PCDHA6: variants seen among roughly 807,000 people sequenced by gnomAD.
The protein encoded by PCDHA6 is protocadherin alpha 6.
PCDHA6 carries 55 observed loss-of-function variants against 60.3 expected under a neutral mutation model. The ratio of observed to expected loss-of-function variants is 0.91; its 90% CI spans 0.73 to 1.14. The LOEUF is 1.14. Among genes scored for constraint, PCDHA6 ranks in the 50% most tolerant of loss-of-function variants. The pLI is 0.00. For missense variants in PCDHA6, 1,327 were observed against 1,256.5 expected, an observed-to-expected ratio of 1.06 and a Z score of -0.85; for synonymous variants, 652 against 557.9, an observed-to-expected ratio of 1.17 and a Z score of -2.38.
At chr5:140,918,639 TGA>T (rs1554198713) in intron 1 of PCDHA6, among the ~76,000 whole-genome samples, 1 of 152,224 alleles carries the variant, frequency 6.6e-6, no homozygotes, top group East Asian at 1.9e-4. Context: ...ATTCATAAAT[TGA>T]AACCTAATTC....
intron 1 of PCDHA6, chr5:140,842,643 T>C (rs1391862843): frequency 6.3e-7 from 1 of 1,595,190 alleles, no homozygotes; most frequent in Non-Finnish European, 8.6e-7. Flanking sequence ...ACCGCCAGCT[T>C]GTCTGTGGAG....
chr5:140,865,725 A>G (rs1326307411), intron 1 of PCDHA6: 1 of 152,210 alleles, frequency 6.6e-6, no homozygotes, highest in Non-Finnish European at 1.5e-5. Context: ...AGAAGCTGAG[A>G]TGTGTATCTA....
chr5:141,004,750 C>T (rs1205050665), intron 3 of PCDHA6, among the ~76,000 whole-genome samples: 1 of 152,112 alleles, frequency 6.6e-6, no homozygotes, highest in Non-Finnish European at 1.5e-5. Flanking sequence ...GTCTCAGTCT[C>T]TTAGAGACAG....
intron 1 of PCDHA6, chr5:140,877,253 T>G (rs2056969600): frequency 1.2e-6 from 2 of 1,613,576 alleles, no homozygotes; most frequent in Non-Finnish European, 8.5e-7. Context: ...GTGGCGAAAG[T>G]GCGCGCGGTG....
chr5:140,900,063 G>A (rs1554188862), intron 1 of PCDHA6, among the ~76,000 whole-genome samples: 3 of 152,122 alleles, frequency 2.0e-5, no homozygotes, highest in African/African-American at 7.2e-5. Context: ...TTTAACCTCA[G>A]CCTCCAAAAG....
At chr5:140,980,584 C>T (rs1447001293) in intron 2 of PCDHA6, among the ~76,000 whole-genome samples, 3 of 151,934 alleles carry the variant, frequency 2.0e-5, no homozygotes, top group Non-Finnish European at 4.4e-5. Context: ...GAGCCAAGAT[C>T]GAGCCACTGC....
At chr5:140,869,145 A>G (rs1013407350) in intron 1 of PCDHA6, 58 of 1,613,508 alleles carry the variant, frequency 3.6e-5, no homozygotes, top group Non-Finnish European at 4.7e-5. Context: ...CCCCACGACT[A>G]CAGCTCTGGC....
At chr5:140,966,730 C>T in intron 1 of PCDHA6, 1 of 1,405,456 alleles carries the variant, frequency 7.1e-7, no homozygotes, top group Non-Finnish European at 9.2e-7. Context: ...CTGCCGCCTC[C>T]GGCCCTGCCC....
At chr5:140,959,883 C>T (rs535578218) in intron 1 of PCDHA6, among the ~76,000 whole-genome samples, 4 of 152,222 alleles carry the variant, frequency 2.6e-5, no homozygotes, top group South Asian at 2.1e-4. Flanking sequence ...AAGGAATACA[C>T]GAGTGGGATT....
chr5:140,918,051 A>G (rs782531005), intron 1 of PCDHA6, among the ~76,000 whole-genome samples: 2 of 151,984 alleles, frequency 1.3e-5, no homozygotes, highest in Non-Finnish European at 1.5e-5. Flanking sequence ...CATTTGTTTT[A>G]TCATCTCTGA....
At chr5:140,990,708 T>G (rs1201090744) in intron 3 of PCDHA6, among the ~76,000 whole-genome samples, 3 of 152,190 alleles carry the variant, frequency 2.0e-5, no homozygotes, top group African/African-American at 7.2e-5. Context: ...TTTATGGGGA[T>G]AAGAGCATCA....
At chr5:140,913,657 G>A (rs1554196018) in intron 1 of PCDHA6, among the ~76,000 whole-genome samples, 1 of 152,170 alleles carries the variant, frequency 6.6e-6, no homozygotes, top group Non-Finnish European at 1.5e-5. Context: ...TCTTTAAGAT[G>A]TATAGTTAGG....
At chr5:140,875,568 C>G in intron 1 of PCDHA6, 2 of 1,614,114 alleles carry the variant, frequency 1.2e-6, no homozygotes, top group Non-Finnish European at 1.7e-6. Context: ...GCCAGCTCCA[C>G]TACTCCGTCT....
intron 1 of PCDHA6, chr5:140,863,724 G>C (rs1450071694): frequency 3.7e-6 from 1 of 271,826 alleles, no homozygotes; most frequent in African/African-American, 2.2e-5. Context: ...GCCGGGTGCG[G>C]TAGCTCATGC....
intron 1 of PCDHA6, chr5:140,862,703 A>G (rs2047499886): frequency 3.6e-6 from 2 of 558,206 alleles, no homozygotes; most frequent in East Asian, 4.9e-5. Flanking sequence ...TTGATGGAAC[A>G]GCGGGTGGGC....
intron 1 of PCDHA6, among the ~76,000 whole-genome samples, chr5:140,891,305 C>T (rs2063030266): frequency 6.6e-6 from 1 of 152,042 alleles, no homozygotes; most frequent in South Asian, 2.1e-4. Context: ...TATTTGATTA[C>T]ATGAGTAAGT....
intron 1 of PCDHA6, among the ~76,000 whole-genome samples, chr5:140,880,631 A>T (rs1048791670): frequency 6.6e-6 from 1 of 152,206 alleles, no homozygotes; most frequent in Non-Finnish European, 1.5e-5. Context: ...GTTAATTATC[A>T]ATTCACTTGA....
rs1310704954 is a variant in PCDHA6, at chr5:141,010,062, A to C, written c.*125A>C. 1.2e-6 allele frequency: 2 copies of C among 1,602,540 alleles called. No homozygotes were observed. The highest frequency in any genetic ancestry group is 1.7e-6 in the Non-Finnish European group (2 of 1,174,354). Reference sequence around the variant, plus strand: ...CCTCTTAGAGACCTCAGAAATCTGCAGAAAGTTCCCTGTGTCTGTCTAGAA... The same window carrying C: ...CCTCTTAGAGACCTCAGAAATCTGCCGAAAGTTCCCTGTGTCTGTCTAGAA... On this transcript the variant is annotated 3_prime_UTR_variant, in exon 4 of 4. Transcript: ENST00000529310.
rs2150156811 is a variant in PCDHA6, at chr5:140,828,561, C to A, written c.470C>A (p.Ala157Glu). 1 of 1,614,178 alleles carries A rather than the reference C, an allele frequency of 6.2e-7. No homozygotes were observed. Among genetic ancestry groups the A allele is most frequent in the African/African-American group, 1.3e-5 (1 of 75,034 alleles). The change falls in exon 1 of 4, where the codon GCG becomes GAG. Residue 157 changes from alanine (A) to glutamate (E), a missense_variant. Physicochemically the swap from Ala to Glu is moderately radical, Grantham distance 107. Coordinates refer to ENST00000529310, the MANE Select transcript of PCDHA6 (RefSeq NM_018909.4). The part of the protein sequence containing the change: ...LPDSVFPLEG[A>E]SDADVGSNSI... Reference sequence around the variant, plus strand: ...GATTCTGTGTTTCCACTGGAGGGCGCGTCCGATGCAGATGTTGGCTCAAAT... The same window carrying A: ...GATTCTGTGTTTCCACTGGAGGGCGAGTCCGATGCAGATGTTGGCTCAAAT...
Sources: gnomAD v4.1 joint callset for allele counts (sites outside exome capture counted in the v4.1 genomes callset) on GRCh38, gnomAD v4.1.1 for gene constraint, MANE v1.5 for transcripts, NCBI Gene and HGNC (gene_info 2026-07-23, HGNC 2026-07-21) for gene names.